Variants in ZBTB8B observed in about 807,000 individuals in gnomAD.
The protein encoded by ZBTB8B is zinc finger and BTB domain-containing protein 8B.
Under a neutral mutation model 30.3 loss-of-function variants are expected in ZBTB8B, and 17 were observed. The ratio of observed to expected loss-of-function variants is 0.56; its 90% CI spans 0.38 to 0.84. ZBTB8B has a LOEUF of 0.84. Ranked by LOEUF, ZBTB8B falls within the 40% of genes least tolerant of loss-of-function variation. ZBTB8B has a pLI of 0.00. For synonymous variants in ZBTB8B, 248 were observed against 255.6 expected, an observed-to-expected ratio of 0.97 and a Z score of 0.28; for missense variants, 515 against 644.9, an observed-to-expected ratio of 0.80 and a Z score of 2.18.
chr1:32,465,803 A>G lies in ZBTB8B; in HGVS notation c.-42+698A>G, dbSNP rs1157617110. Among the ~76,000 whole-genome samples, 1 of 152,182 alleles carries G rather than the reference A, an allele frequency of 6.6e-6. No homozygotes were observed. Among genetic ancestry groups the G allele is most frequent in the African/African-American group, 2.4e-5 (1 of 41,438 alleles). On this transcript the variant is annotated intron_variant, in intron 1 of 3. Coordinates refer to ENST00000609129, the MANE Select transcript of ZBTB8B (RefSeq NM_001145720.2). The surrounding 1 kb of genome is among the most constrained non-coding windows in gnomAD (Gnocchi z 4.1). ...TTACTAACTTGGTGATGTTATCTGC[A>G]TCTTTGAATCTCAGTTCCTCCTCTG...
intron 2 of ZBTB8B, among the ~76,000 whole-genome samples, chr1:32,478,367 C>T (rs1283773447): frequency 2.0e-5 from 3 of 151,976 alleles, no homozygotes; most frequent in Non-Finnish European, 4.4e-5. Flanking sequence ...CAAAAATTAG[C>T]CAGGCATGGT....
rs147421619 is a variant in ZBTB8B at position 32,480,048 on chromosome 1, G to A, written c.992-843G>A. Among the ~76,000 whole-genome samples the A allele has an allele frequency of 8.8e-3, 1,337 of 152,280 alleles. 16 individuals carry two copies. The highest frequency in any genetic ancestry group is 0.029 in the African/African-American group (1,200 of 41,540). ...TAGAAATCTGATCCATCATAACAGCGTTTTCCAAGTTCTGAAGGTAGTGAG... is the reference window on the plus strand; with the variant it reads ...TAGAAATCTGATCCATCATAACAGCATTTTCCAAGTTCTGAAGGTAGTGAG... On this transcript the variant is annotated intron_variant, in intron 2 of 3. Coordinates refer to ENST00000609129, the MANE Select transcript of ZBTB8B (RefSeq NM_001145720.2).
chr1:32,465,473 A>T lies in ZBTB8B; in HGVS notation c.-42+368A>T, dbSNP rs1557679590. ...CACTTTGTCCGCGGGAGGCCATGGG[A>T]GGGGCTAGGCCTTGGGGTCCCACCC... is the stretch of plus-strand genomic sequence containing the variant. On this transcript the variant is annotated intron_variant, in intron 1 of 3. Coordinates refer to ENST00000609129, the MANE Select transcript of ZBTB8B (RefSeq NM_001145720.2). The surrounding 1 kb of genome is among the most constrained non-coding windows in gnomAD (Gnocchi z 4.1). Among the ~76,000 whole-genome samples, 1 of 152,096 alleles carries T rather than the reference A, an allele frequency of 6.6e-6. No homozygotes were observed. Among genetic ancestry groups the T allele is most frequent in the South Asian group, 2.1e-4 (1 of 4,824 alleles).
chr1:32,483,660 G>A (rs1557683704), intron 3 of ZBTB8B, among the ~76,000 whole-genome samples: 2 of 151,818 alleles, frequency 1.3e-5, no homozygotes, highest in East Asian at 3.8e-4. Flanking sequence ...AAACCTGCAT[G>A]TTGTGCACAT....
chr1:32,482,558 C>T (rs1225010971), intron 3 of ZBTB8B, among the ~76,000 whole-genome samples: 1 of 150,474 alleles, frequency 6.6e-6, no homozygotes, highest in Non-Finnish European at 1.5e-5. Flanking sequence ...GTAGTCCCAG[C>T]TACTCAGGAG....
rs996840833 is a variant in ZBTB8B at position 32,486,440 on chromosome 1, CAGGGCTACACCAT to C, written c.*1026_*1038del. Reference sequence around the variant, plus strand: ...AGCTAAGGGGCCGCTCCTCGTGGAGCAGGGCTACACCATAGGCAGTGTGCCCAGAGTAGTAGCT... The same window carrying C: ...AGCTAAGGGGCCGCTCCTCGTGGAGCAGGCAGTGTGCCCAGAGTAGTAGCT... On this transcript the variant is annotated 3_prime_UTR_variant, in exon 4 of 4. Coordinates refer to ENST00000609129, the MANE Select transcript of ZBTB8B (RefSeq NM_001145720.2). 6.6e-6 allele frequency: 1 copy of C among 152,236 alleles called. No homozygotes were observed. Among genetic ancestry groups the C allele is most frequent in the African/African-American group, 2.4e-5 (1 of 41,460 alleles). The allele number at this position is 152,236 out of a possible 1,614,324, so 9.4% of individuals were successfully genotyped here. A position where few individuals can be genotyped will look rare whatever the true frequency, so the allele number is the denominator to read the frequency against.
rs1430358515 is a variant in ZBTB8B, at chr1:32,484,208, T to G, written c.1171-893T>G. ...GGGTGACAGAGAAAGACCCTGTCTC[T>G]GGAAAAAAAAAAAAAAAATCCCAAT... On this transcript the variant is annotated intron_variant, in intron 3 of 3. Coordinates refer to ENST00000609129, the MANE Select transcript of ZBTB8B (RefSeq NM_001145720.2). This position sits in a 1 kb window ranked among gnomAD's most constrained non-coding sequence, Gnocchi z 4.5. Among the ~76,000 whole-genome samples, 3 of 146,212 alleles carry G rather than the reference T, an allele frequency of 2.1e-5. No individual in the cohort carries two copies. The highest frequency in any genetic ancestry group is 3.0e-5 in the Non-Finnish European group (2 of 66,806).
At chr1:32,470,559 A>G (rs1643608939) in intron 1 of ZBTB8B, 25 bp from the exon 2 acceptor site, 12 of 1,406,192 alleles carry the variant, frequency 8.5e-6, no homozygotes, top group Non-Finnish European at 1.1e-5. Context: ...GGATTTGTGA[A>G]TTAACTTAAG....
At chr1:32,471,739 C>A (rs1305563824) in intron 2 of ZBTB8B, 124 bp downstream of exon 2, 1 of 1,077,722 alleles carries the variant, frequency 9.3e-7, no homozygotes, top group Non-Finnish European at 1.3e-6. Context: ...TTATCAGTAC[C>A]ATCATCACCA....
rs1039119100 is a variant in ZBTB8B, at chr1:32,488,371, C to T, written c.*2953C>T. The T allele has an allele frequency of 6.6e-6, 1 of 152,216 alleles. No homozygotes were observed. The highest frequency in any genetic ancestry group is 1.5e-5 in the Non-Finnish European group (1 of 68,044). The allele number at this position is 152,216 out of a possible 1,614,324, so 9.4% of individuals were successfully genotyped here. ...TTTGCTTTCTCTGTTTAAATTATCTCTGATGTTTTAATGACTTTTCTACCT... is the reference window on the plus strand; with the variant it reads ...TTTGCTTTCTCTGTTTAAATTATCTTTGATGTTTTAATGACTTTTCTACCT... On this transcript the variant is annotated 3_prime_UTR_variant, in exon 4 of 4. Coordinates refer to ENST00000609129, the MANE Select transcript of ZBTB8B (RefSeq NM_001145720.2).
At chr1:32,480,610 C>T (rs1643696836) in intron 2 of ZBTB8B, among the ~76,000 whole-genome samples, 1 of 152,192 alleles carries the variant, frequency 6.6e-6, no homozygotes, top group African/African-American at 2.4e-5. Context: ...GGTTGCAGTG[C>T]AAGCTGAGTT....
In ZBTB8B at chr1:32,481,022, G is replaced by A. The variant is rs529168786; in HGVS notation, c.1123G>A (p.Gly375Ser). The A allele has an allele frequency of 5.2e-6, 8 of 1,552,126 alleles. No homozygotes were observed. In the South Asian group the frequency reaches 6.0e-5, roughly 12 times the overall value. ...GERPYPCETC[G>S]KRFTRQEHLR... ...GCGGCCCTACCCCTGTGAGACCTGCGGCAAGAGGTTCACTCGACAAGAGCA... is the reference window on the plus strand; with the variant it reads ...GCGGCCCTACCCCTGTGAGACCTGCAGCAAGAGGTTCACTCGACAAGAGCA... Residue 375 changes from glycine (G) to serine (S), a missense_variant, in exon 3 of 4, where the codon GGC (glycine) becomes AGC (serine). By Grantham distance (56) the Gly-to-Ser change is moderately conservative (BLOSUM62 0). This residue lies in a region of ZBTB8B where 429 missense variants were observed against 504.3 expected (regional missense o/e 0.85). Transcript: ENST00000609129.
chr1:32,467,955 G>A (rs1342363850), intron 1 of ZBTB8B, among the ~76,000 whole-genome samples: 4 of 151,504 alleles, frequency 2.6e-5, no homozygotes, highest in African/African-American at 7.3e-5. Flanking sequence ...TCTACCAAAA[G>A]TACAAAAAAA....
intron 1 of ZBTB8B, among the ~76,000 whole-genome samples, chr1:32,468,070 C>G (rs943531210): frequency 2.7e-5 from 4 of 150,646 alleles, no homozygotes; most frequent in Admixed American, 2.6e-4. Context: ...GGGCCGAGAT[C>G]ACACCACTGC....
chr1:32,467,146 ACC>A (rs1222540533), intron 1 of ZBTB8B, among the ~76,000 whole-genome samples: 2 of 151,744 alleles, frequency 1.3e-5, no homozygotes, highest in Non-Finnish European at 1.5e-5. Context: ...ACAAAGTAAG[ACC>A]CCGTCTCAAA....
chr1:32,467,451 A>G (rs1485324877), intron 1 of ZBTB8B, among the ~76,000 whole-genome samples: 3 of 151,998 alleles, frequency 2.0e-5, no homozygotes, highest in African/African-American at 7.2e-5. Flanking sequence ...ACGGGGTTTC[A>G]CTACGTTGGC....
chr1:32,468,856 G>C (rs967574667), intron 1 of ZBTB8B, among the ~76,000 whole-genome samples: 2 of 148,074 alleles, frequency 1.4e-5, no homozygotes, highest in Admixed American at 1.4e-4. Context: ...GGGAGAATCT[G>C]TCTCAAAAAA....
chr1:32,480,914 A>G lies in ZBTB8B; in HGVS notation c.1015A>G (p.Lys339Glu). The G allele has an allele frequency of 2.6e-6, 4 of 1,551,814 alleles. No individual in the cohort carries two copies. Among genetic ancestry groups the G allele is most frequent in the Non-Finnish European group, 3.5e-6 (4 of 1,146,952 alleles). Reference protein sequence around the residue: ...DSGDVLVVPIKLHKCPFCPYT... With the variant: ...DSGDVLVVPIELHKCPFCPYT... ...AGGTGATGTGCTGGTGGTCCCCATC[A>G]AGCTCCACAAGTGTCCTTTCTGCCC... Residue 339 changes from lysine to glutamate, a missense_variant, in exon 3 of 4, where the codon AAG (lysine) becomes GAG (glutamate). This residue lies in a region of ZBTB8B where 429 missense variants were observed against 504.3 expected (regional missense o/e 0.85). Transcript: ENST00000609129.
chr1:32,481,374 G>C (rs887754263), intron 3 of ZBTB8B, among the ~76,000 whole-genome samples: 1 of 152,156 alleles, frequency 6.6e-6, no homozygotes, highest in Non-Finnish European at 1.5e-5. Flanking sequence ...GCTCAGACAG[G>C]ATTGTGGATC....
Sources: allele counts gnomAD v4.1 joint callset (sites outside exome capture counted in the v4.1 genomes callset), GRCh38; gene constraint gnomAD v4.1.1; regional missense constraint gnomAD v4.1.1; non-coding constraint Gnocchi (gnomAD v3.1); transcripts MANE v1.5; gene names NCBI Gene and HGNC (gene_info 2026-07-23, HGNC 2026-07-21).